The following NAV2 variants were observed in gnomAD, a reference collection of about 807,000 sequenced individuals.
NAV2 encodes helicase, APC down-regulated 1.
Under a neutral mutation model 223.2 loss-of-function variants are expected in NAV2, and 54 were observed. That is an observed-to-expected ratio of 0.24 (90% CI 0.19 to 0.30). The LOEUF (loss-of-function observed/expected upper bound fraction) is 0.30. NAV2 is among the 10% of genes least tolerant of loss of function. The pLI is 1.00. For synonymous variants in NAV2, 1,279 were observed against 1,239.3 expected (o/e 1.03, Z -0.67); for missense variants, 2,806 against 3,147.5 (o/e 0.89, Z 2.60).
intron 35 of NAV2, among the ~76,000 whole-genome samples, chr11:20,106,168 T>TAG (rs2062030921): frequency 1.4e-4 from 2 of 14,144 alleles, no homozygotes; most frequent in Admixed American, 2.5e-3. Context: ...TATATATATA[T>TAG]ATATATATGT....
Position 20,060,212 on chromosome 11 carries a change from G to A in NAV2, c.4832-2095G>A, listed in dbSNP as rs552464446. On this transcript the variant is annotated intron_variant, in intron 19 of 37. Coordinates refer to ENST00000349880, the MANE Select transcript of NAV2 (RefSeq NM_145117.5). ...AACTTCCATTTTCCATTAGCCACAG[G>A]CCATATAGCAGCCCTGTGCTAGTCT... is the stretch of plus-strand genomic sequence containing the variant. Among the ~76,000 whole-genome samples, 16 of 152,308 alleles carry A rather than the reference G, an allele frequency of 1.1e-4. No homozygotes were observed. The South Asian group carries it at 3.3e-3, about 32-fold the overall frequency.
At chr11:19,465,866 T>C (rs1193339262) in intron 1 of NAV2, among the ~76,000 whole-genome samples, 1 of 152,194 alleles carries the variant, frequency 6.6e-6, no homozygotes, top group East Asian at 1.9e-4. Context: ...TATTTTAGGA[T>C]TAGAAATGAT....
At chr11:19,942,546 T>C (rs1480223852) in intron 8 of NAV2, among the ~76,000 whole-genome samples, 1 of 152,184 alleles carries the variant, frequency 6.6e-6, no homozygotes, top group African/African-American at 2.4e-5. Flanking sequence ...TTTAAATATT[T>C]ATCTGTGGAT....
chr11:20,043,404 T>G (rs938252754), intron 12 of NAV2, among the ~76,000 whole-genome samples: 41 of 152,148 alleles, frequency 2.7e-4, no homozygotes, highest in African/African-American at 9.7e-4. Context: ...CCTTCTTTTT[T>G]CCTGGGCCCC....
intron 1 of NAV2, among the ~76,000 whole-genome samples, chr11:19,424,980 T>C (rs1326846226): frequency 6.6e-6 from 1 of 152,240 alleles, no homozygotes; most frequent in Non-Finnish European, 1.5e-5. Context: ...ATTCATTTAT[T>C]CTTCCATTCA....
chr11:19,429,834 G>A (rs1850978382), intron 1 of NAV2, among the ~76,000 whole-genome samples: 1 of 152,160 alleles, frequency 6.6e-6, no homozygotes, highest in South Asian at 2.1e-4. Flanking sequence ...GAAGTCAGCA[G>A]GATTTCATCA....
At chr11:19,754,980 C>T (rs2054121659) in intron 1 of NAV2, among the ~76,000 whole-genome samples, 1 of 152,138 alleles carries the variant, frequency 6.6e-6, no homozygotes. Flanking sequence ...TGTTAGCCAA[C>T]TCTTGCCACC....
chr11:19,744,286 G>C (rs1390126286), intron 1 of NAV2, among the ~76,000 whole-genome samples: 1 of 152,210 alleles, frequency 6.6e-6, no homozygotes, highest in Non-Finnish European at 1.5e-5. Context: ...GGCCTTCACT[G>C]TGCAGAGTAG....
At chr11:19,598,174 T>G (rs2046257770) in intron 1 of NAV2, among the ~76,000 whole-genome samples, 1 of 152,028 alleles carries the variant, frequency 6.6e-6, no homozygotes, top group South Asian at 2.1e-4. Context: ...GTGTGCCGTC[T>G]CTTCTGCAAG....
chr11:19,553,177 A>G (rs546900339), intron 1 of NAV2, among the ~76,000 whole-genome samples: 1 of 152,232 alleles, frequency 6.6e-6, no homozygotes, highest in Non-Finnish European at 1.5e-5. Flanking sequence ...CTTTCAATGC[A>G]TAGCCCCATC....
chr11:19,884,009 AG>A (rs2063376044), intron 5 of NAV2, among the ~76,000 whole-genome samples: 1 of 152,252 alleles, frequency 6.6e-6, no homozygotes, highest in Non-Finnish European at 1.5e-5. Flanking sequence ...TTTGAGAATA[AG>A]GCCTTAAGGC....
intron 1 of NAV2, among the ~76,000 whole-genome samples, chr11:19,814,256 G>T (rs1394080626): frequency 6.6e-6 from 1 of 152,206 alleles, no homozygotes; most frequent in Non-Finnish European, 1.5e-5. Flanking sequence ...AGGTGCAAAA[G>T]AGTTGGAGGA....
chr11:19,811,093 G>A (rs60016486), intron 1 of NAV2, among the ~76,000 whole-genome samples: 17,712 of 152,202 alleles, frequency 0.12, 1,071 homozygotes, highest in Non-Finnish European at 0.12. Context: ...AAAAATGTGT[G>A]TGATTTATCG....
chr11:19,456,062 C>T (rs1189276611), intron 1 of NAV2, among the ~76,000 whole-genome samples: 4 of 152,210 alleles, frequency 2.6e-5, no homozygotes, highest in African/African-American at 9.7e-5. Context: ...AGGGTTTGAG[C>T]ACCAAGGAGG....
At chr11:19,991,165 A>G (rs897030996) in intron 11 of NAV2, among the ~76,000 whole-genome samples, 2 of 152,190 alleles carry the variant, frequency 1.3e-5, no homozygotes, top group Admixed American at 6.6e-5. Flanking sequence ...CACTGGCCCC[A>G]TCACCCAGGC....
chr11:19,493,377 A>C (rs569427377), intron 1 of NAV2, among the ~76,000 whole-genome samples: 1 of 152,238 alleles, frequency 6.6e-6, no homozygotes, highest in Non-Finnish European at 1.5e-5. Context: ...TGAAAAACTT[A>C]GGAGAGAGAC....
At chr11:19,919,871 C>T (rs958590577) in intron 6 of NAV2, among the ~76,000 whole-genome samples, 1 of 152,104 alleles carries the variant, frequency 6.6e-6, no homozygotes, top group Non-Finnish European at 1.5e-5. Flanking sequence ...CGGTGGCTCA[C>T]GCCTGTAATC....
chr11:19,680,180 A>G (rs571909607), intron 1 of NAV2, among the ~76,000 whole-genome samples: 44 of 152,316 alleles, frequency 2.9e-4, no homozygotes, highest in Non-Finnish European at 5.3e-4. Flanking sequence ...GCCTCCTCAC[A>G]AAAGATAGCT....
intron 1 of NAV2, among the ~76,000 whole-genome samples, chr11:19,566,671 G>A (rs1390725543): frequency 1.3e-5 from 2 of 152,164 alleles, no homozygotes; most frequent in South Asian, 2.1e-4. Flanking sequence ...GCTATAGAGA[G>A]GAAGATGAGT....
Sources: gnomAD v4.1 joint callset for allele counts (sites outside exome capture counted in the v4.1 genomes callset) on GRCh38, gnomAD v4.1.1 for gene constraint, MANE v1.5 for transcripts, NCBI Gene and HGNC (gene_info 2026-07-23, HGNC 2026-07-21) for gene names.